The following MEGF11 variants were observed in gnomAD, a reference collection of about 807,000 sequenced individuals.
MEGF11 encodes multiple EGF like domains 11.
In MEGF11, 126 loss-of-function variants were observed where a neutral mutation model predicts 146.6. The ratio of observed to expected loss-of-function variants is 0.86; its 90% CI spans 0.74 to 1.00. The LOEUF (loss-of-function observed/expected upper bound fraction) is 1.00, where lower values mean the gene tolerates loss of function less well. MEGF11 is among the 50% of genes least tolerant of loss of function. The pLI, the probability that MEGF11 is intolerant of heterozygous loss-of-function variation, is 0.00. For synonymous variants in MEGF11, 532 were observed against 583.4 expected (o/e 0.91, Z 1.27); for missense variants, 1,509 against 1,521.2 (o/e 0.99, Z 0.13).
intron 1 of MEGF11, among the ~76,000 whole-genome samples, chr15:66,240,105 C>A (rs1029347542): frequency 2.6e-5 from 4 of 152,176 alleles, no homozygotes; most frequent in East Asian, 1.9e-4. Flanking sequence ...CCCAGCCCCC[C>A]AATAAAGCAC....
chr15:66,070,024 C>T (rs2085299364), intron 5 of MEGF11, among the ~76,000 whole-genome samples: 1 of 152,208 alleles, frequency 6.6e-6, no homozygotes, highest in Admixed American at 6.5e-5. Context: ...AGGGCGTGGC[C>T]TAGGCTCCTC....
intron 5 of MEGF11, among the ~76,000 whole-genome samples, chr15:66,053,976 G>T (rs2084569909): frequency 6.6e-6 from 1 of 151,950 alleles, no homozygotes; most frequent in African/African-American, 2.4e-5. Flanking sequence ...GCCCAGCTCA[G>T]CCTCCCAAAG....
intron 1 of MEGF11, among the ~76,000 whole-genome samples, chr15:66,221,745 A>G (rs763010025): frequency 1.3e-5 from 2 of 152,100 alleles, no homozygotes; most frequent in Non-Finnish European, 2.9e-5. Context: ...TCTTCCTACT[A>G]TAATTTTGCC....
At chr15:66,157,581 C>T (rs192776236) in intron 1 of MEGF11, among the ~76,000 whole-genome samples, 8 of 152,350 alleles carry the variant, frequency 5.3e-5, no homozygotes, top group East Asian at 1.9e-4. Flanking sequence ...CTGCCATCTT[C>T]GTCCCTTTCT....
chr15:66,079,232 TG>T (rs2085729428), intron 5 of MEGF11, among the ~76,000 whole-genome samples: 1 of 152,102 alleles, frequency 6.6e-6, no homozygotes, highest in Admixed American at 6.5e-5. Context: ...GATGAGGATT[TG>T]TCTGGGATTT....
At chr15:66,096,780 C>A (rs763632703) in intron 4 of MEGF11, among the ~76,000 whole-genome samples, 7 of 152,174 alleles carry the variant, frequency 4.6e-5, no homozygotes, top group Non-Finnish European at 1.0e-4. Flanking sequence ...CCTAGAGACC[C>A]AGCCCATCTG....
At chr15:65,965,217 A>ATCT in intron 8 of MEGF11, 97 bp from the exon 9 acceptor site, 3 of 1,017,604 alleles carry the variant, frequency 2.9e-6, no homozygotes, top group Non-Finnish European at 4.3e-6. Context: ...CATCTGGCCC[A>ATCT]GGCCTGGTGT....
intron 5 of MEGF11, among the ~76,000 whole-genome samples, chr15:66,039,999 G>A (rs2083898919): frequency 6.7e-6 from 1 of 149,622 alleles, no homozygotes; most frequent in South Asian, 2.2e-4. Context: ...GCCGGGTCAG[G>A]CGGCGGTGGG....
intron 5 of MEGF11, among the ~76,000 whole-genome samples, chr15:66,078,682 T>C (rs926661010): frequency 1.3e-5 from 2 of 152,240 alleles, no homozygotes; most frequent in Middle Eastern, 3.4e-3. Flanking sequence ...CCCCTGGAAG[T>C]GCAGGTCCTT....
chr15:66,038,592 G>A (rs1200273612), intron 5 of MEGF11, among the ~76,000 whole-genome samples: 1 of 152,142 alleles, frequency 6.6e-6, no homozygotes, highest in Admixed American at 6.5e-5. Context: ...TGTGCCAGGA[G>A]AACAGTAATG....
chr15:66,236,786 G>A (rs10152880), intron 1 of MEGF11, among the ~76,000 whole-genome samples: 40,267 of 152,004 alleles, frequency 0.26, 6,250 homozygotes, highest in Non-Finnish European at 0.36. Flanking sequence ...CTCCTCTGCC[G>A]GTCCTGGTTT....
chr15:66,135,222 T>C (rs1465875477), intron 1 of MEGF11, among the ~76,000 whole-genome samples: 1 of 152,206 alleles, frequency 6.6e-6, no homozygotes, highest in African/African-American at 2.4e-5. Flanking sequence ...AACTCTGTAC[T>C]TTTAGAATTT....
intron 5 of MEGF11, among the ~76,000 whole-genome samples, chr15:66,019,944 C>T (rs2083048233): frequency 6.6e-6 from 1 of 152,220 alleles, no homozygotes; most frequent in South Asian, 2.1e-4. Flanking sequence ...AATCCTTCAC[C>T]TGCCCATTCC....
chr15:65,917,667 C>G (rs1161996517), intron 16 of MEGF11, among the ~76,000 whole-genome samples: 2 of 152,196 alleles, frequency 1.3e-5, no homozygotes, highest in Admixed American at 1.3e-4. Flanking sequence ...CCACCTCTTC[C>G]CCATCCAAAC....
chr15:66,093,346 G>GA (rs998714533), intron 5 of MEGF11, among the ~76,000 whole-genome samples: 2 of 151,968 alleles, frequency 1.3e-5, no homozygotes, highest in Admixed American at 6.6e-5. Context: ...AGAGAGAGGG[G>GA]AAAAGGACAA....
chr15:66,192,526 A>AAAATG (rs1395775513), intron 1 of MEGF11, among the ~76,000 whole-genome samples: 18 of 129,938 alleles, frequency 1.4e-4, no homozygotes, highest in Non-Finnish European at 2.6e-4. Context: ...AAAATAAAAT[A>AAAATG]AAATAAAATC....
At chr15:66,035,478 C>T (rs898881381) in intron 5 of MEGF11, among the ~76,000 whole-genome samples, 7 of 152,200 alleles carry the variant, frequency 4.6e-5, no homozygotes, top group Non-Finnish European at 1.0e-4. Flanking sequence ...CATGAGGTCC[C>T]TGGCCTGGGA....
In MEGF11 at chr15:66,115,963, G is replaced by A. The variant is rs114240716; in HGVS notation, c.301+3123C>T. 7.9e-3 allele frequency among the ~76,000 whole-genome samples: 1,200 copies of A among 152,282 alleles called. 16 individuals carry two copies. The highest frequency in any genetic ancestry group is 0.028 in the African/African-American group (1,148 of 41,546). On this transcript the variant is annotated intron_variant, in intron 4 of 25. Coordinates refer to ENST00000395614, the MANE Select transcript of MEGF11 (RefSeq NM_001385028.1). ...AACTGTGAGACGATAAACCGCTGCC[G>A]GTGAAGCCGCCCAGCCTGTGGTACT... is the stretch of plus-strand genomic sequence containing the variant.
intron 5 of MEGF11, among the ~76,000 whole-genome samples, chr15:65,985,999 T>C (rs1434682906): frequency 6.6e-6 from 1 of 151,160 alleles, no homozygotes; most frequent in African/African-American, 2.4e-5. Context: ...TTGCCCAGGC[T>C]GGAGTGCAGT....
Sources: allele counts gnomAD v4.1 joint callset (sites outside exome capture counted in the v4.1 genomes callset), GRCh38; gene constraint gnomAD v4.1.1; transcripts MANE v1.5; gene names NCBI Gene and HGNC (gene_info 2026-07-23, HGNC 2026-07-21).